The following SCNN1B variants were observed in gnomAD, a reference collection of about 807,000 sequenced individuals.
The protein encoded by SCNN1B is epithelial sodium channel subunit beta.
A neutral mutation model predicts 65.3 loss-of-function variants in SCNN1B; 46 were observed. The observed-to-expected ratio is 0.70, with a 90% CI of 0.56 to 0.90. SCNN1B has a LOEUF of 0.90. SCNN1B is among the 40% of genes least tolerant of loss of function. The probability of loss-of-function intolerance (pLI) is 0.00; values close to 1 mark genes in which losing one functional copy is unlikely to be tolerated. For synonymous variants in SCNN1B, 349 were observed against 330.6 expected (o/e 1.06, Z -0.60); for missense variants, 751 against 830.5 (o/e 0.90, Z 1.18).
chr16:23,357,369 G>A (rs531611636), intron 4 of SCNN1B, among the ~76,000 whole-genome samples: 2 of 152,368 alleles, frequency 1.3e-5, no homozygotes, highest in African/African-American at 4.8e-5. Flanking sequence ...GATCACCTGA[G>A]GTCAGGAGTT....
chr16:23,352,870 G>T lies in SCNN1B; in HGVS notation c.381G>T (p.Leu127=). Residue 127 remains leucine (L), a synonymous_variant, in exon 3 of 13, where the codon CTG becomes CTT. Transcript: ENST00000343070. ...TGGAAGCTGTCCTGGAGAGAATCCT[G>T]GCTCCTGAGCTAAGCCATGCCAATG... is the stretch of plus-strand genomic sequence containing the variant. ...ELMEAVLERI[L]APELSHANAT... is the part of the protein sequence containing the mutation. 6.2e-7 allele frequency: 1 copy of T among 1,614,108 alleles called. No homozygotes were observed. Among genetic ancestry groups the T allele is most frequent in the Non-Finnish European group, 8.5e-7 (1 of 1,180,012 alleles).
chr16:23,306,873 G>C (rs1304373051), intron 1 of SCNN1B, among the ~76,000 whole-genome samples: 1 of 152,188 alleles, frequency 6.6e-6, no homozygotes, highest in East Asian at 1.9e-4. Context: ...GGAACTTGAG[G>C]CTGTGATGGC....
intron 2 of SCNN1B, among the ~76,000 whole-genome samples, chr16:23,293,620 A>C (rs1960956631): frequency 6.6e-6 from 1 of 152,142 alleles, no homozygotes; most frequent in African/African-American, 2.4e-5. Flanking sequence ...TGCCTCTGAG[A>C]TGTACACTTA....
intron 3 of SCNN1B, chr16:23,353,337 A>G (rs1205973515): frequency 1.5e-5 from 8 of 533,142 alleles, no homozygotes; most frequent in Non-Finnish European, 2.4e-5. Flanking sequence ...ATCCAGAGGT[A>G]TACTGCATTC....
intron 5 of SCNN1B, among the ~76,000 whole-genome samples, chr16:23,370,994 G>A (rs899096590): frequency 6.6e-6 from 1 of 152,232 alleles, no homozygotes; most frequent in Admixed American, 6.5e-5. Flanking sequence ...GTGGTGTGAG[G>A]TGGGGTGGCA....
intron 1 of SCNN1B, among the ~76,000 whole-genome samples, chr16:23,335,147 A>G (rs1413544373): frequency 6.6e-6 from 1 of 152,220 alleles, no homozygotes; most frequent in African/African-American, 2.4e-5. Flanking sequence ...TACACAATGG[A>G]TGATTAATCA....
chr16:23,284,108 A>G lies in SCNN1B; in HGVS notation n.178+304A>G, dbSNP rs181596954. Among the ~76,000 whole-genome samples, 17 of 152,340 alleles carry G rather than the reference A, an allele frequency of 1.1e-4. No homozygotes were observed. The East Asian group carries it at 2.9e-3, about 26-fold the overall frequency. ...GAGCTTGGGAAATGTACCTTGCATT[A>G]GAAATGTTAGGGATGGCCGAGTGCA... On this transcript the variant is annotated intron_variant and non_coding_transcript_variant, in intron 2 of 3. Transcript: ENST00000569789.
chr16:23,282,282 G>T (rs1960794842), intron 1 of SCNN1B, among the ~76,000 whole-genome samples: 1 of 152,166 alleles, frequency 6.6e-6, no homozygotes, highest in Non-Finnish European at 1.5e-5. Context: ...CCCAAAATGA[G>T]GGGGAAGAAC....
rs1272281571 is a variant in SCNN1B, at chr16:23,375,801, T to C, written c.1216T>C (p.Tyr406His). Residue 406 changes from tyrosine (Y) to histidine (H), a missense_variant, in exon 8 of 13, where the codon TAC becomes CAC. By Grantham distance (83) the Tyr-to-His change is moderately conservative. Transcript: ENST00000343070. Reference protein sequence around the residue: ...IRNCNCGHYLYPLPRGEKYCN... With the variant: ...IRNCNCGHYLHPLPRGEKYCN... ...TAACTGCAACTGTGGCCACTACCTG[T>C]ACCCACTGCCCCGTGGGGAGAAATA... is the stretch of plus-strand genomic sequence containing the variant. The C allele has an allele frequency of 1.2e-6, 2 of 1,613,570 alleles. No homozygotes were observed. The highest frequency in any genetic ancestry group is 1.7e-5 in the Admixed American group (1 of 60,010).
chr16:23,279,123 C>T (rs778136821), intron 1 of SCNN1B, among the ~76,000 whole-genome samples: 1 of 151,686 alleles, frequency 6.6e-6, no homozygotes, highest in Non-Finnish European at 1.5e-5. Flanking sequence ...GTCACCCAGG[C>T]TGGAGTGCAG....
chr16:23,319,868 G>C (rs1293265011), intron 1 of SCNN1B, among the ~76,000 whole-genome samples: 3 of 152,012 alleles, frequency 2.0e-5, no homozygotes, highest in African/African-American at 4.8e-5. Flanking sequence ...CCTGGGTTCA[G>C]ACAATTCTCC....
intron 1 of SCNN1B, among the ~76,000 whole-genome samples, chr16:23,343,362 G>T (rs1962092753): frequency 6.6e-6 from 1 of 151,902 alleles, no homozygotes; most frequent in Non-Finnish European, 1.5e-5. Flanking sequence ...TGAGGCAAGA[G>T]AATTGCTTGA....
intron 3 of SCNN1B, chr16:23,353,364 A>G: frequency 2.1e-6 from 1 of 476,308 alleles, no homozygotes; most frequent in Non-Finnish European, 3.8e-6. Flanking sequence ...GGCTGGATCC[A>G]GGTATTCTAA....
Position 23,355,284 on chromosome 16 carries a change from T to A in SCNN1B, c.586-15T>A. 1 of 1,614,024 alleles carries A rather than the reference T, an allele frequency of 6.2e-7. No individual in the cohort carries two copies. The highest frequency in any genetic ancestry group is 8.5e-7 in the Non-Finnish European group (1 of 1,179,932). The stretch of plus-strand genomic sequence containing the variant: ...CTCCCACGCCACCCACAAAAACCCC[T>A]CTTGGCCTCCACAGTGTAGCCTCAA... On this transcript the variant is annotated splice_polypyrimidine_tract_variant and intron_variant, in intron 3 of 12. Transcript: ENST00000343070.
intron 1 of SCNN1B, among the ~76,000 whole-genome samples, chr16:23,280,371 T>C (rs1974488): frequency 0.2 from 30,829 of 151,876 alleles, 7,928 homozygotes; most frequent in African/African-American, 0.61. Flanking sequence ...CCCACAGGCA[T>C]GCATCACTAT....
At chr16:23,316,005 CCACCAT>C in intron 1 of SCNN1B, among the ~76,000 whole-genome samples, 1 of 132,718 alleles carries the variant, frequency 7.5e-6, no homozygotes, top group African/African-American at 3.2e-5. Context: ...ATCATCATCA[CCACCAT>C]CATCCCCATC....
Position 23,380,235 on chromosome 16 carries a change from G to A in SCNN1B, c.1542+66G>A, listed in dbSNP as rs964284336. ...CCTGACCCCTGCACCCTGAGGGTGGGGGAAGGGTTCTGAGCCCTATGAAGG... is the reference window on the plus strand; with the variant it reads ...CCTGACCCCTGCACCCTGAGGGTGGAGGAAGGGTTCTGAGCCCTATGAAGG... On this transcript the variant is annotated intron_variant, in intron 12 of 12. Coordinates refer to ENST00000343070, the MANE Select transcript of SCNN1B (RefSeq NM_000336.3). The surrounding 1 kb of genome is among the most constrained non-coding windows in gnomAD (Gnocchi z 5.4). 5 of 1,525,404 alleles carry A rather than the reference G, an allele frequency of 3.3e-6. No individual in the cohort carries two copies. Among genetic ancestry groups the A allele is most frequent in the Non-Finnish European group, 4.5e-6 (5 of 1,099,560 alleles). 94.5% of individuals were successfully genotyped at this position (1,525,404 alleles called of 1,614,324 possible). A position where few individuals can be genotyped will look rare whatever the true frequency, so the allele number is the denominator to read the frequency against.
intron 7 of SCNN1B, among the ~76,000 whole-genome samples, chr16:23,374,772 G>C (rs1245327026): frequency 6.6e-6 from 1 of 151,772 alleles, no homozygotes; most frequent in Non-Finnish European, 1.5e-5. Context: ...AACAGAAGAG[G>C]ACTCAGGAGC....
At chr16:23,322,195 G>A (rs1198488413) in intron 1 of SCNN1B, among the ~76,000 whole-genome samples, 2 of 152,078 alleles carry the variant, frequency 1.3e-5, no homozygotes, top group Non-Finnish European at 2.9e-5. Context: ...CCCGTATTAA[G>A]CCCACATTTA....
Sources: gnomAD v4.1 joint callset for allele counts (sites outside exome capture counted in the v4.1 genomes callset) on GRCh38, gnomAD v4.1.1 for gene constraint, Gnocchi (gnomAD v3.1) non-coding constraint, MANE v1.5 for transcripts, NCBI Gene and HGNC (gene_info 2026-07-23, HGNC 2026-07-21) for gene names.